Variants in CDIN1 observed in about 807,000 individuals in gnomAD.
The protein encoded by CDIN1 is CDAN1-interacting nuclease 1.
Under a neutral mutation model 45.3 loss-of-function variants are expected in CDIN1, and 33 were observed. The observed-to-expected ratio is 0.73, with a 90% CI of 0.55 to 0.97. CDIN1 has a LOEUF of 0.97. CDIN1 is among the 50% of genes least tolerant of loss of function. The pLI, the probability that CDIN1 is intolerant of heterozygous loss-of-function variation, is 0.00. For missense variants in CDIN1, 303 were observed against 339.4 expected, an observed-to-expected ratio of 0.89 and a Z score of 0.84; for synonymous variants, 118 against 124.4, an observed-to-expected ratio of 0.95 and a Z score of 0.34.
chr15:36,636,898 G>T (rs764642562), intron 1 of CDIN1, among the ~76,000 whole-genome samples: 38 of 152,184 alleles, frequency 2.5e-4, no homozygotes, highest in Non-Finnish European at 4.1e-4. Flanking sequence ...CTTTTAAGTT[G>T]CAAGAGGAAA....
At chr15:36,655,324 TGC>T (rs1375365630) in intron 4 of CDIN1, among the ~76,000 whole-genome samples, 497 of 28,184 alleles carry the variant, frequency 0.018, no homozygotes, top group African/African-American at 0.044. Flanking sequence ...TTTTTTTTTT[TGC>T]TTTTTTTTTT....
chr15:36,798,025 C>CAAAAAAAA (rs11307856), intron 10 of CDIN1, among the ~76,000 whole-genome samples: 11 of 93,568 alleles, frequency 1.2e-4, no homozygotes, highest in African/African-American at 4.7e-4. Flanking sequence ...GAGTTATTAG[C>CAAAAAAAA]AAAAAAAAAA....
In CDIN1 at chr15:36,808,687, T is replaced by C; in HGVS notation, c.*234T>C. 5 of 564,130 alleles carry C rather than the reference T, an allele frequency of 8.9e-6. No individual in the cohort carries two copies. In the South Asian group the frequency reaches 9.9e-5, roughly 11 times the overall value. 34.9% of individuals were successfully genotyped at this position (564,130 alleles called of 1,614,324 possible). A position where few individuals can be genotyped will look rare whatever the true frequency, so the allele number is the denominator to read the frequency against. ...GACACAACCCACTCATTATCAGCAT[T>C]TCTGTCTCTGTCAAACAATTAGTTT... On this transcript the variant is annotated 3_prime_UTR_variant, in exon 11 of 11. Coordinates refer to ENST00000566621, the MANE Select transcript of CDIN1 (RefSeq NM_001321759.2).
intron 10 of CDIN1, among the ~76,000 whole-genome samples, chr15:36,788,106 ATTTTTTTTTTTT>A (rs1172040193): frequency 2.8e-4 from 14 of 50,526 alleles, no homozygotes; most frequent in African/African-American, 8.5e-4. Flanking sequence ...ATATATATAT[ATTTTTTTTTTTT>A]TTTTTTTTTT....
At chr15:36,786,786 T>C (rs535856374) in intron 10 of CDIN1, among the ~76,000 whole-genome samples, 16 of 152,298 alleles carry the variant, frequency 1.1e-4, no homozygotes, top group African/African-American at 3.6e-4. Flanking sequence ...GTGTAACTGC[T>C]CTGATAGTAC....
At chr15:36,727,572 T>C (rs1030427372) in intron 10 of CDIN1, among the ~76,000 whole-genome samples, 1 of 152,216 alleles carries the variant, frequency 6.6e-6, no homozygotes, top group African/African-American at 2.4e-5. Flanking sequence ...TAGCCTCTTA[T>C]ACATCTGAAT....
In CDIN1 at chr15:36,645,256, A is replaced by G; in HGVS notation, c.181A>G (p.Thr61Ala). ...HIKRTHAKHH[T>A]SEAIESYYQR... ...TAAAAGAACACATGCCAAACATCAT[A>G]CTTCGGAAGCAATTGAAAGTTATTA... Residue 61 changes from threonine (T) to alanine (A), a missense_variant, in exon 3 of 11, where the codon ACT (threonine) becomes GCT (alanine). By Grantham distance (58) the Thr-to-Ala change is moderately conservative. Coordinates refer to ENST00000566621, the MANE Select transcript of CDIN1 (RefSeq NM_001321759.2). 1 of 1,553,484 alleles carries G rather than the reference A, an allele frequency of 6.4e-7. No individual in the cohort carries two copies. The highest frequency in any genetic ancestry group is 8.7e-7 in the Non-Finnish European group (1 of 1,147,638).
At chr15:36,688,005 C>T (rs905280527) in intron 5 of CDIN1, among the ~76,000 whole-genome samples, 55 of 151,628 alleles carry the variant, frequency 3.6e-4, no homozygotes, top group African/African-American at 1.2e-3. Flanking sequence ...TGGCATGTAG[C>T]TAAAGCAAAA....
At chr15:36,589,731 C>G (rs1450880461) in intron 1 of CDIN1, among the ~76,000 whole-genome samples, 3 of 152,122 alleles carry the variant, frequency 2.0e-5, no homozygotes, top group Non-Finnish European at 2.9e-5. Flanking sequence ...GTCTCGATCT[C>G]CTGACCTCGT....
chr15:36,690,729 G>T (rs2042218916), intron 5 of CDIN1, among the ~76,000 whole-genome samples: 1 of 152,054 alleles, frequency 6.6e-6, no homozygotes, highest in South Asian at 2.1e-4. Context: ...GTGTGGATCA[G>T]ACCATAAGCC....
intron 5 of CDIN1, among the ~76,000 whole-genome samples, chr15:36,686,790 C>G (rs374838958): frequency 1.1e-4 from 14 of 123,266 alleles, no homozygotes; most frequent in Admixed American, 1.1e-3. Flanking sequence ...GACAGAGGGA[C>G]AGACAGAAGG....
At chr15:36,655,599 A>G (rs1244004342) in intron 4 of CDIN1, among the ~76,000 whole-genome samples, 1 of 152,178 alleles carries the variant, frequency 6.6e-6, no homozygotes, top group Non-Finnish European at 1.5e-5. Context: ...TGCTTGGATT[A>G]CAGGCGTGAG....
At chr15:36,715,384 C>G (rs967164446) in intron 10 of CDIN1, among the ~76,000 whole-genome samples, 2 of 152,128 alleles carry the variant, frequency 1.3e-5, no homozygotes, top group East Asian at 3.9e-4. Context: ...AGAGGAGAGG[C>G]ATTTAGAATG....
In CDIN1 at chr15:36,773,800, A is replaced by G. The variant is rs995025337; in HGVS notation, c.717-34524A>G. ...GTGAATTTTCTGAAAAGACCTTTCA[A>G]CTTGTCAGGCTAGGGATAAACCCTT... is the stretch of plus-strand genomic sequence containing the variant. On this transcript the variant is annotated intron_variant, in intron 10 of 10. Coordinates refer to ENST00000566621, the MANE Select transcript of CDIN1 (RefSeq NM_001321759.2). 2.6e-5 allele frequency among the ~76,000 whole-genome samples: 4 copies of G among 152,338 alleles called. No individual in the cohort carries two copies. The East Asian group carries it at 5.8e-4, about 22-fold the overall frequency.
In CDIN1 at chr15:36,597,192, A is replaced by C. The variant is rs143693890; in HGVS notation, c.101+17231A>C. On this transcript the variant is annotated intron_variant, in intron 1 of 10. Transcript: ENST00000566621. ...GTGCCCTATTCGGTGATTCACTGAA[A>C]GGTTCATAATGGTTGGCTTGTAACC... 2.8e-3 allele frequency among the ~76,000 whole-genome samples: 428 copies of C among 152,324 alleles called. 2 individuals carry two copies. Among genetic ancestry groups the C allele is most frequent in the African/African-American group, 9.5e-3 (393 of 41,578 alleles).
At chr15:36,781,994 TG>T (rs1488300162) in intron 10 of CDIN1, among the ~76,000 whole-genome samples, 6 of 152,188 alleles carry the variant, frequency 3.9e-5, no homozygotes, top group African/African-American at 1.4e-4. Flanking sequence ...AGAAGGATAT[TG>T]GCCAGTATAC....
chr15:36,698,344 C>T (rs1184185210), intron 8 of CDIN1, among the ~76,000 whole-genome samples: 1 of 152,082 alleles, frequency 6.6e-6, no homozygotes, highest in African/African-American at 2.4e-5. Context: ...TAATTTGAAG[C>T]TTGGAGATAT....
chr15:36,697,862 A>G (rs897569815), intron 8 of CDIN1, among the ~76,000 whole-genome samples: 1 of 152,172 alleles, frequency 6.6e-6, no homozygotes, highest in Non-Finnish European at 1.5e-5. Context: ...TGGATTTATT[A>G]TGATTTTTTA....
At chr15:36,781,059 A>T (rs2054339656) in intron 10 of CDIN1, among the ~76,000 whole-genome samples, 1 of 152,232 alleles carries the variant, frequency 6.6e-6, no homozygotes, top group Admixed American at 6.5e-5. Context: ...TTGACAGGAA[A>T]GATTGTTAAA....
Sources: allele counts gnomAD v4.1 joint callset (sites outside exome capture counted in the v4.1 genomes callset), GRCh38; gene constraint gnomAD v4.1.1; transcripts MANE v1.5; gene names NCBI Gene and HGNC (gene_info 2026-07-23, HGNC 2026-07-21).